NEGR1: variants seen among roughly 807,000 people sequenced by gnomAD.
The protein encoded by NEGR1 is neuronal growth regulator 1.
A neutral mutation model predicts 40.9 loss-of-function variants in NEGR1; 10 were observed. The observed-to-expected ratio is 0.24, with a 90% CI of 0.15 to 0.42. The LOEUF (loss-of-function observed/expected upper bound fraction) is 0.42. Among genes scored for constraint, NEGR1 ranks in the 10% least tolerant of loss-of-function variants. The pLI, the probability that NEGR1 is intolerant of heterozygous loss-of-function variation, is 1.00. For missense variants in NEGR1, 352 were observed against 438.9 expected (o/e 0.80, Z 1.77); for synonymous variants, 185 against 166.8 (o/e 1.11, Z -0.84).
At chr1:72,133,768 G>T (rs535432402) in intron 1 of NEGR1, among the ~76,000 whole-genome samples, 1 of 150,998 alleles carries the variant, frequency 6.6e-6, no homozygotes, top group Non-Finnish European at 1.5e-5. Flanking sequence ...AGTTAATATA[G>T]AAAAAATAAT....
chr1:71,507,001 G>T (rs561249811), intron 6 of NEGR1, among the ~76,000 whole-genome samples: 4 of 152,060 alleles, frequency 2.6e-5, no homozygotes, highest in Non-Finnish European at 4.4e-5. Context: ...CCTATGGAGT[G>T]GTACACACTT....
intron 1 of NEGR1, among the ~76,000 whole-genome samples, chr1:72,058,773 T>C (rs1160097209): frequency 5.9e-5 from 9 of 151,742 alleles, no homozygotes; most frequent in Admixed American, 5.9e-4. Flanking sequence ...ATAATTGTTT[T>C]GTGTTTTGGT....
At chr1:72,205,330 G>A (rs1317106382) in intron 1 of NEGR1, among the ~76,000 whole-genome samples, 1 of 151,566 alleles carries the variant, frequency 6.6e-6, no homozygotes, top group East Asian at 2.0e-4. Context: ...AACCAAATTG[G>A]GTTGACACAG....
chr1:72,009,904 T>C (rs1182650761), intron 1 of NEGR1, among the ~76,000 whole-genome samples: 1 of 151,956 alleles, frequency 6.6e-6, no homozygotes, highest in Non-Finnish European at 1.5e-5. Context: ...GCCATTCTAC[T>C]GCTAGTTAAA....
intron 6 of NEGR1, among the ~76,000 whole-genome samples, chr1:71,414,907 G>A (rs897346779): frequency 1.3e-5 from 2 of 152,002 alleles, no homozygotes; most frequent in African/African-American, 4.8e-5. Context: ...CAGTGTGGTC[G>A]ACTAACAATT....
chr1:71,654,012 TAAAAG>T (rs951060893), intron 4 of NEGR1, among the ~76,000 whole-genome samples: 3 of 152,144 alleles, frequency 2.0e-5, no homozygotes, highest in African/African-American at 7.2e-5. Flanking sequence ...TATTCAAACT[TAAAAG>T]AGATGAGCTA....
chr1:71,466,592 G>A (rs1048699099), intron 6 of NEGR1, among the ~76,000 whole-genome samples: 1 of 152,166 alleles, frequency 6.6e-6, no homozygotes, highest in African/African-American at 2.4e-5. Flanking sequence ...AGTAGGCCTC[G>A]TTGAGAAGTC....
chr1:71,947,867 T>TATTTATGTCTAA (rs1646035537), intron 1 of NEGR1, among the ~76,000 whole-genome samples: 1 of 152,170 alleles, frequency 6.6e-6, no homozygotes, highest in African/African-American at 2.4e-5. Flanking sequence ...TGTACCTAAG[T>TATTTATGTCTAA]GTATTTATGT....
At chr1:71,934,814 T>G (rs1277026960) in intron 2 of NEGR1, among the ~76,000 whole-genome samples, 3 of 152,274 alleles carry the variant, frequency 2.0e-5, no homozygotes, top group Non-Finnish European at 1.5e-5. Flanking sequence ...CATACCTTTT[T>G]TTAAATGTGT....
At chr1:72,128,041 T>G (rs1008825047) in intron 1 of NEGR1, among the ~76,000 whole-genome samples, 2 of 152,146 alleles carry the variant, frequency 1.3e-5, no homozygotes, top group Admixed American at 6.5e-5. Flanking sequence ...ATGAAAATAA[T>G]GATCTTACAC....
intron 1 of NEGR1, among the ~76,000 whole-genome samples, chr1:72,229,844 T>G (rs889850318): frequency 3.3e-5 from 5 of 152,104 alleles, no homozygotes; most frequent in Admixed American, 3.3e-4. Context: ...TTCCACATTC[T>G]GCTTTTATCA....
At chr1:71,597,472 C>CTCTCTCTCTCTCTCTGTGTGTG (rs756076229) in intron 5 of NEGR1, among the ~76,000 whole-genome samples, 1 of 31,326 alleles carries the variant, frequency 3.2e-5, no homozygotes, top group African/African-American at 1.0e-4. Flanking sequence ...CTCTCTCTCT[C>CTCTCTCTCTCTCTCTGTGTGTG]TGTGTGTGTG....
chr1:71,831,750 T>C (rs564195467), intron 2 of NEGR1, among the ~76,000 whole-genome samples: 1 of 151,274 alleles, frequency 6.6e-6, no homozygotes, highest in South Asian at 2.1e-4. Flanking sequence ...CCTGGGGATG[T>C]AGGAGGATTT....
chr1:71,456,012 C>A (rs1374329701), intron 6 of NEGR1, among the ~76,000 whole-genome samples: 1 of 152,064 alleles, frequency 6.6e-6, no homozygotes, highest in Non-Finnish European at 1.5e-5. Context: ...CAAAGTCATG[C>A]AACTGTAATT....
At chr1:71,722,303 A>G (rs903599388) in intron 3 of NEGR1, among the ~76,000 whole-genome samples, 15 of 152,158 alleles carry the variant, frequency 9.9e-5, no homozygotes, top group African/African-American at 3.4e-4. Context: ...AACCTTAGAA[A>G]AACATTTTCT....
At chr1:71,856,175 G>T (rs1288255891) in intron 2 of NEGR1, among the ~76,000 whole-genome samples, 1 of 152,024 alleles carries the variant, frequency 6.6e-6, no homozygotes, top group South Asian at 2.1e-4. Flanking sequence ...TCAAGGAGTA[G>T]ATGGTCTAGT....
chr1:72,218,798 G>T (rs1043068166), intron 1 of NEGR1, among the ~76,000 whole-genome samples: 1 of 151,892 alleles, frequency 6.6e-6, no homozygotes, highest in Admixed American at 6.6e-5. Context: ...ACAGTTAAAA[G>T]AATTTAAAAT....
In NEGR1 at chr1:71,861,583, G is replaced by A. The variant is rs1557680423; in HGVS notation, c.409+73496C>T. Among the ~76,000 whole-genome samples, 4 of 152,020 alleles carry A rather than the reference G, an allele frequency of 2.6e-5. No homozygotes were observed. In the South Asian group the frequency reaches 8.3e-4, roughly 32 times the overall value. Reference sequence around the variant, plus strand: ...AGAAATAAATCTGCATGCATCTCCAGCCTTGGGTTCATTAGCACAATTCAG... The same window carrying A: ...AGAAATAAATCTGCATGCATCTCCAACCTTGGGTTCATTAGCACAATTCAG... On this transcript the variant is annotated intron_variant, in intron 2 of 6. Coordinates refer to ENST00000357731, the MANE Select transcript of NEGR1 (RefSeq NM_173808.3).
At chr1:71,736,299 G>T (rs544140895) in intron 3 of NEGR1, among the ~76,000 whole-genome samples, 1 of 151,948 alleles carries the variant, frequency 6.6e-6, no homozygotes, top group Non-Finnish European at 1.5e-5. Context: ...AATGTGGTCT[G>T]GGATTTAATA....
Sources: allele counts gnomAD v4.1 joint callset (sites outside exome capture counted in the v4.1 genomes callset), GRCh38; gene constraint gnomAD v4.1.1; transcripts MANE v1.5; gene names NCBI Gene and HGNC (gene_info 2026-07-23, HGNC 2026-07-21).